SLC9A6: variants seen among roughly 807,000 people sequenced by gnomAD.
SLC9A6 encodes solute carrier family 9 member A6.
Under a neutral mutation model 45.3 loss-of-function variants are expected in SLC9A6, and 6 were observed. That is an observed-to-expected ratio of 0.13 (90% CI 0.07 to 0.26). SLC9A6 has a LOEUF of 0.26. SLC9A6 is among the 10% of genes least tolerant of loss of function. The pLI is 1.00. For synonymous variants in SLC9A6, 191 were observed against 187.7 expected, an observed-to-expected ratio of 1.02 and a Z score of -0.14; for missense variants, 278 against 503.7, an observed-to-expected ratio of 0.55 and a Z score of 4.29.
chrX:135,990,775 AAAAT>A (rs1387293418), intron 2 of SLC9A6, among the ~76,000 whole-genome samples: 1 of 110,809 alleles, frequency 9.0e-6, no homozygotes, highest in Non-Finnish European at 1.9e-5. Flanking sequence ...CTCCGTCTCA[AAAAT>A]AAATAAATAA....
intron 2 of SLC9A6, among the ~76,000 whole-genome samples, chrX:135,990,013 TCTCG>T (rs1407525915): frequency 4.5e-5 from 5 of 111,518 alleles, no homozygotes; most frequent in African/African-American, 1.3e-4. Flanking sequence ...TGAGACGGAG[TCTCG>T]CTCTGTCTCC....
intron 8 of SLC9A6, among the ~76,000 whole-genome samples, chrX:136,012,668 C>A (rs145165307): frequency 3.9e-4 from 44 of 112,736 alleles, no homozygotes; most frequent in African/African-American, 1.4e-3. Context: ...ACTCCCGTCT[C>A]TATCTATCCT....
intron 10 of SLC9A6, among the ~76,000 whole-genome samples, chrX:136,015,247 A>G (rs1404735703): frequency 1.2e-4 from 13 of 112,916 alleles, no homozygotes; most frequent in African/African-American, 4.2e-4. Flanking sequence ...TTCTTGGCAC[A>G]CAGCCACACC....
chrX:136,030,054 T>C, intron 14 of SLC9A6, 78 bp from the exon 15 acceptor site: 1 of 912,809 alleles, frequency 1.1e-6, no homozygotes, highest in South Asian at 2.0e-5. Flanking sequence ...AGAAAAGTAG[T>C]TGCCTGACAA....
At chrX:136,014,549 G>A (rs1430379827) in intron 10 of SLC9A6, among the ~76,000 whole-genome samples, 2 of 112,801 alleles carry the variant, frequency 1.8e-5, no homozygotes, top group African/African-American at 3.2e-5. Flanking sequence ...CGGATCACCC[G>A]AGGTCAGAAG....
At chrX:136,015,444 C>T (rs1346979285) in intron 10 of SLC9A6, among the ~76,000 whole-genome samples, 1 of 111,585 alleles carries the variant, frequency 9.0e-6, no homozygotes, top group African/African-American at 3.3e-5. Context: ...TGTTTTAAAT[C>T]CTGGTTCTAC....
intron 2 of SLC9A6, among the ~76,000 whole-genome samples, chrX:135,988,776 T>C (rs1456309193): frequency 9.2e-6 from 1 of 108,275 alleles, no homozygotes; most frequent in Non-Finnish European, 1.9e-5. Flanking sequence ...TTTTTTATTT[T>C]TATTTTTGTG....
chrX:136,043,537 TC>T (rs2071548608), intron 17 of SLC9A6, among the ~76,000 whole-genome samples: 1 of 112,114 alleles, frequency 8.9e-6, no homozygotes, highest in Admixed American at 9.5e-5. Flanking sequence ...AGAATATACT[TC>T]CCTCAAGGAG....
rs1014511311 is a variant in SLC9A6, at chrX:136,001,477, T to G, written c.638-631T>G. 3.6e-5 allele frequency among the ~76,000 whole-genome samples: 4 copies of G among 111,767 alleles called. No homozygotes were observed. The Admixed American group carries it at 3.8e-4, about 11-fold the overall frequency. On this transcript the variant is annotated intron_variant, in intron 6 of 17. Transcript: ENST00000630721. The stretch of plus-strand genomic sequence containing the variant: ...ATAACTTCAATTTCATCTGATTTTC[T>G]AAGATTTCTCATATAATTGCTTTCC...
At chrX:136,029,395 T>C (rs2071280120) in intron 14 of SLC9A6, 1 of 110,764 alleles carries the variant, frequency 9.0e-6, no homozygotes, top group Non-Finnish European at 1.9e-5. Context: ...AGCTCTATGC[T>C]GGCGACAGCT....
intron 3 of SLC9A6, among the ~76,000 whole-genome samples, chrX:135,997,226 T>C (rs1299689829): frequency 9.2e-6 from 1 of 108,989 alleles, no homozygotes; most frequent in Non-Finnish European, 1.9e-5. Context: ...CTGGCTAATT[T>C]TGTATTTTTA....
chrX:136,016,367 TA>T (rs1263917604), intron 10 of SLC9A6, among the ~76,000 whole-genome samples: 1 of 108,857 alleles, frequency 9.2e-6, no homozygotes, highest in African/African-American at 3.3e-5. Context: ...ACAGGAACAT[TA>T]AAAAAAACTG....
intron 11 of SLC9A6, among the ~76,000 whole-genome samples, chrX:136,021,535 G>A (rs782594414): frequency 1.8e-5 from 2 of 112,243 alleles, no homozygotes; most frequent in Admixed American, 1.9e-4. Context: ...CCCCTACCTT[G>A]TTTGTTTTGA....
chrX:136,046,155 C>T lies in SLC9A6; in HGVS notation c.*1431C>T, dbSNP rs2071595773. 8.9e-6 allele frequency: 1 copy of T among 112,242 alleles called. No individual in the cohort carries two copies. The highest frequency in any genetic ancestry group is 1.9e-5 in the Non-Finnish European group (1 of 53,190). The allele number at this position is 112,242 out of a possible 1,213,427, so 9.3% of individuals were successfully genotyped here. A position where few individuals can be genotyped will look rare whatever the true frequency, so the allele number is the denominator to read the frequency against. On this transcript the variant is annotated 3_prime_UTR_variant, in exon 18 of 18. Coordinates refer to ENST00000630721, the MANE Select transcript of SLC9A6 (RefSeq NM_001379110.1). ...TTTTTTTTCCCTCAGGTCTGAGTAGCATTGCCTTAAATCTTATCCAGTTAG... is the reference window on the plus strand; with the variant it reads ...TTTTTTTTCCCTCAGGTCTGAGTAGTATTGCCTTAAATCTTATCCAGTTAG...
chrX:136,016,442 G>A (rs1334192158), intron 10 of SLC9A6, among the ~76,000 whole-genome samples: 1 of 110,400 alleles, frequency 9.1e-6, no homozygotes, highest in East Asian at 2.9e-4. Flanking sequence ...AAGCTGTTAG[G>A]GGAAATGAGG....
At chrX:135,987,802 C>T in intron 2 of SLC9A6, among the ~76,000 whole-genome samples, 1 of 111,129 alleles carries the variant, frequency 9.0e-6, no homozygotes, top group Non-Finnish European at 1.9e-5. Flanking sequence ...TATGTGTGAT[C>T]TTAGACAAGT....
upstream of SLC9A6, chrX:135,985,403 A>G (rs1195582128): frequency 1.0e-4 from 56 of 535,506 alleles, no homozygotes; most frequent in Admixed American, 1.0e-3. Context: ...GCGCGCTCCG[A>G]CGGCTACCCC....
upstream of SLC9A6, among the ~76,000 whole-genome samples, chrX:135,981,611 C>T (rs1320016532): frequency 2.7e-5 from 3 of 112,088 alleles, no homozygotes; most frequent in South Asian, 3.7e-4. Flanking sequence ...GGCACATAGA[C>T]GGCAGGAAAC....
At chrX:136,035,374 A>G (rs1202252532) in intron 16 of SLC9A6, among the ~76,000 whole-genome samples, 1 of 112,231 alleles carries the variant, frequency 8.9e-6, no homozygotes, top group Non-Finnish European at 1.9e-5. Context: ...TCTGACTTTC[A>G]TCAACATGGG....
Sources: gnomAD v4.1 joint callset for allele counts (sites outside exome capture counted in the v4.1 genomes callset) on GRCh38, gnomAD v4.1.1 for gene constraint, MANE v1.5 for transcripts, NCBI Gene and HGNC (gene_info 2026-07-23, HGNC 2026-07-21) for gene names.